Variants in OSBPL8 observed in about 807,000 individuals in gnomAD.
The protein encoded by OSBPL8 is oxysterol binding protein like 8, also known as oxysterol-binding protein-related protein 8.
Under a neutral mutation model 125.5 loss-of-function variants are expected in OSBPL8, and 59 were observed. The observed-to-expected ratio is 0.47, with a 90% CI of 0.38 to 0.58. OSBPL8 has a LOEUF of 0.58. Among genes scored for constraint, OSBPL8 ranks in the 20% least tolerant of loss-of-function variants. The pLI is 0.00. For synonymous variants in OSBPL8, 330 were observed against 338.9 expected, an observed-to-expected ratio of 0.97 and a Z score of 0.29; for missense variants, 758 against 1,047.8, an observed-to-expected ratio of 0.72 and a Z score of 3.82.
At position 76,440,323 on chromosome 12, in the gene OSBPL8, G is replaced by A. The variant is rs575464855; in HGVS notation, c.217+10528C>T. Among the ~76,000 whole-genome samples, 5 of 151,706 alleles carry A rather than the reference G, an allele frequency of 3.3e-5. No individual in the cohort carries two copies. The East Asian group carries it at 9.6e-4, about 29-fold the overall frequency. On this transcript the variant is annotated intron_variant, in intron 4 of 23. Transcript: ENST00000261183. Reference sequence around the variant, plus strand: ...TTGATGATTTTTTTTTCACATCCCCGCCAGCATCTGGTGGTGACGGTATTT... The same window carrying A: ...TTGATGATTTTTTTTTCACATCCCCACCAGCATCTGGTGGTGACGGTATTT...
At chr12:76,364,923 A>C (rs1173810600) in intron 21 of OSBPL8, among the ~76,000 whole-genome samples, 7 of 152,132 alleles carry the variant, frequency 4.6e-5, no homozygotes, top group Non-Finnish European at 1.0e-4. Flanking sequence ...GAATATTGAC[A>C]TGGATTGTGG....
chr12:76,531,634 C>A (rs1950341478), intron 1 of OSBPL8, among the ~76,000 whole-genome samples: 1 of 152,080 alleles, frequency 6.6e-6, no homozygotes, highest in Non-Finnish European at 1.5e-5. Context: ...GGAGAGATAA[C>A]TGAATTAACA....
chr12:76,504,740 C>G (rs539256658), intron 1 of OSBPL8, among the ~76,000 whole-genome samples: 1 of 152,296 alleles, frequency 6.6e-6, no homozygotes, highest in Non-Finnish European at 1.5e-5. Flanking sequence ...TGAAAAGTCA[C>G]AAGGTTAGGA....
intron 1 of OSBPL8, among the ~76,000 whole-genome samples, chr12:76,546,903 G>A (rs548933241): frequency 2.2e-4 from 33 of 152,196 alleles, no homozygotes; most frequent in Admixed American, 9.2e-4. Context: ...ATGTAAAGGG[G>A]CCAATTATTT....
chr12:76,468,835 T>C (rs551268492), intron 2 of OSBPL8, among the ~76,000 whole-genome samples: 2 of 152,348 alleles, frequency 1.3e-5, no homozygotes, highest in East Asian at 1.9e-4. Context: ...ATAGAAATAG[T>C]GTGTATCTGT....
At chr12:76,436,723 A>G (rs763224773) in intron 4 of OSBPL8, among the ~76,000 whole-genome samples, 51 of 152,132 alleles carry the variant, frequency 3.4e-4, no homozygotes, top group Non-Finnish European at 7.4e-5. Flanking sequence ...GAAACCAGTA[A>G]CAGTCCACAA....
In OSBPL8 at chr12:76,450,661, A is replaced by G. The variant is rs576176919; in HGVS notation, c.217+190T>C. Among the ~76,000 whole-genome samples the G allele has an allele frequency of 4.7e-4, 72 of 152,250 alleles. 2 individuals are homozygous for G. In the South Asian group the frequency reaches 0.015, roughly 31 times the overall value. ...TGTTGGAGAATATTAAAAAAAATTA[A>G]AAGTCTAAAGGAAAGTGTACTCATT... On this transcript the variant is annotated intron_variant, in intron 4 of 23. Transcript: ENST00000261183.
chr12:76,524,249 C>T (rs983103445), intron 1 of OSBPL8, among the ~76,000 whole-genome samples: 1 of 151,992 alleles, frequency 6.6e-6, no homozygotes, highest in African/African-American at 2.4e-5. Context: ...TCTATGAAAG[C>T]AATATAATAG....
intron 2 of OSBPL8, chr12:76,486,067 A>T: frequency 2.4e-6 from 1 of 422,466 alleles, no homozygotes; most frequent in African/African-American, 2.0e-5. Context: ...ATGTGACAAC[A>T]GCCTTCTTCA....
intron 15 of OSBPL8, among the ~76,000 whole-genome samples, chr12:76,381,081 T>C (rs1953027780): frequency 6.6e-6 from 1 of 152,198 alleles, no homozygotes; most frequent in African/African-American, 2.4e-5. Flanking sequence ...TTCATCATAT[T>C]ATTCTTTTAA....
At position 76,430,659 on chromosome 12, in the gene OSBPL8, A is replaced by T. The variant is rs1433191917; in HGVS notation, c.218-20025T>A. Reference sequence around the variant, plus strand: ...GAAAATCTAACAAAATCAGGAAAACACTGTAAGACTATCTACAACATTTTT... The same window carrying T: ...GAAAATCTAACAAAATCAGGAAAACTCTGTAAGACTATCTACAACATTTTT... On this transcript the variant is annotated intron_variant, in intron 4 of 23. Coordinates refer to ENST00000261183, the MANE Select transcript of OSBPL8 (RefSeq NM_020841.5). 2.6e-5 allele frequency among the ~76,000 whole-genome samples: 4 copies of T among 152,234 alleles called. No individual in the cohort carries two copies. The East Asian group carries it at 7.7e-4, about 29-fold the overall frequency.
chr12:76,395,021 A>C (rs183415798), intron 8 of OSBPL8, among the ~76,000 whole-genome samples: 1 of 152,272 alleles, frequency 6.6e-6, no homozygotes, highest in Admixed American at 6.5e-5. Context: ...TATTAAACCA[A>C]ATTTTAACAA....
At chr12:76,545,170 T>C (rs1950749700) in intron 1 of OSBPL8, among the ~76,000 whole-genome samples, 2 of 152,206 alleles carry the variant, frequency 1.3e-5, no homozygotes, top group Admixed American at 6.5e-5. Context: ...TCAAGGCCTC[T>C]TAAAGATAAT....
At chr12:76,544,726 A>T (rs1950737466) in intron 1 of OSBPL8, among the ~76,000 whole-genome samples, 1 of 152,184 alleles carries the variant, frequency 6.6e-6, no homozygotes, top group South Asian at 2.1e-4. Flanking sequence ...CTTGGGTGGC[A>T]GTATGTTATA....
At chr12:76,555,107 T>C (rs1049985885) in intron 1 of OSBPL8, among the ~76,000 whole-genome samples, 12 of 152,234 alleles carry the variant, frequency 7.9e-5, no homozygotes, top group African/African-American at 2.9e-4. Context: ...GAGATCTTCA[T>C]GGCTTATAGT....
chr12:76,492,936 A>AT lies in OSBPL8; in HGVS notation c.-67-5319dup, dbSNP rs139829715. Among the ~76,000 whole-genome samples, 239 of 149,170 alleles carry AT rather than the reference A, an allele frequency of 1.6e-3. 4 individuals carry two copies. In the East Asian group the frequency reaches 0.016, roughly 10 times the overall value. Reference sequence around the variant, plus strand: ...TAGATATATATAGATATATATAGATATTTTTTTTTTGCTTTCATTGTGTGC... The same window carrying AT: ...TAGATATATATAGATATATATAGATATTTTTTTTTTTGCTTTCATTGTGTGC... On this transcript the variant is annotated intron_variant, in intron 1 of 23. Coordinates refer to ENST00000261183, the MANE Select transcript of OSBPL8 (RefSeq NM_020841.5).
chr12:76,552,319 G>A (rs114457619), intron 1 of OSBPL8, among the ~76,000 whole-genome samples: 6,936 of 150,758 alleles, frequency 0.046, 574 homozygotes, highest in African/African-American at 0.16. Flanking sequence ...CCAGCTACTC[G>A]GAAGGCTAAG....
At chr12:76,433,938 G>T (rs1431098744) in intron 4 of OSBPL8, among the ~76,000 whole-genome samples, 2 of 134,200 alleles carry the variant, frequency 1.5e-5, no homozygotes, top group Non-Finnish European at 3.0e-5. Context: ...TCATGCCACT[G>T]CACTCCAGCT....
chr12:76,389,442 A>C (rs547379224), intron 12 of OSBPL8, among the ~76,000 whole-genome samples: 1 of 152,182 alleles, frequency 6.6e-6, no homozygotes, highest in Non-Finnish European at 1.5e-5. Flanking sequence ...ATGATATCTC[A>C]ATTTAACTTC....
Sources: gnomAD v4.1 joint callset for allele counts (sites outside exome capture counted in the v4.1 genomes callset) on GRCh38, gnomAD v4.1.1 for gene constraint, MANE v1.5 for transcripts, NCBI Gene and HGNC (gene_info 2026-07-23, HGNC 2026-07-21) for gene names.